LOC122539214: variants seen among roughly 807,000 people sequenced by gnomAD.
chr19:52,659,134 G>A, the LOC122539214 span, among the ~76,000 whole-genome samples: 3 of 152,174 alleles, frequency 2.0e-5, no homozygotes, highest in African/African-American at 7.2e-5. Flanking sequence ...TACCTCAGTT[G>A]ATGTCCTGTG....
At chr19:52,682,130 G>T in the LOC122539214 span, among the ~76,000 whole-genome samples, 1 of 152,054 alleles carries the variant, frequency 6.6e-6, no homozygotes, top group Non-Finnish European at 1.5e-5. Flanking sequence ...ACGGGCATGA[G>T]CCACCGTGCC....
At chr19:52,670,491 GA>G in the LOC122539214 span, among the ~76,000 whole-genome samples, 33 of 152,044 alleles carry the variant, frequency 2.2e-4, no homozygotes, top group African/African-American at 7.5e-4. Flanking sequence ...TTTCTGAGAA[GA>G]AAAAAAGAAA....
At chr19:52,665,781 CGTCTGGA>C in the LOC122539214 span, among the ~76,000 whole-genome samples, 2 of 152,108 alleles carry the variant, frequency 1.3e-5, no homozygotes, top group Admixed American at 6.6e-5. Context: ...GGGCCTCATG[CGTCTGGA>C]GTAAGAACCC....
At chr19:52,676,881 T>G in the LOC122539214 span, among the ~76,000 whole-genome samples, 1 of 130,406 alleles carries the variant, frequency 7.7e-6, no homozygotes, top group Non-Finnish European at 1.6e-5. Flanking sequence ...GTTAAATGGA[T>G]TAAGGGTGGT....
the LOC122539214 span, among the ~76,000 whole-genome samples, chr19:52,679,757 A>T: frequency 2.0e-4 from 30 of 152,348 alleles, no homozygotes; most frequent in African/African-American, 6.7e-4. Context: ...ATGTTCAATC[A>T]TAACAGTCAA....
At chr19:52,666,095 C>T in the LOC122539214 span, among the ~76,000 whole-genome samples, 1,284 of 147,102 alleles carry the variant, frequency 8.7e-3, 22 homozygotes, top group African/African-American at 0.03. Flanking sequence ...ACCCGGGAGG[C>T]GGAGCTTGCA....
chr19:52,687,656 T>A, the LOC122539214 span, among the ~76,000 whole-genome samples: 8 of 18,700 alleles, frequency 4.3e-4, 1 homozygote, highest in Non-Finnish European at 7.4e-4. Context: ...TATATATATA[T>A]AATGTATATA....
At chr19:52,662,079 G>A in the LOC122539214 span, among the ~76,000 whole-genome samples, 1 of 152,056 alleles carries the variant, frequency 6.6e-6, no homozygotes, top group Non-Finnish European at 1.5e-5. Context: ...ATAGGGATGA[G>A]GTCTTGAAAT....
At chr19:52,679,306 G>A in the LOC122539214 span, among the ~76,000 whole-genome samples, 476 of 152,146 alleles carry the variant, frequency 3.1e-3, 3 homozygotes, top group African/African-American at 0.011. Context: ...AAGCTTCTAT[G>A]ATGCTCCTCA....
the LOC122539214 span, among the ~76,000 whole-genome samples, chr19:52,653,613 C>T: frequency 3.3e-5 from 5 of 152,032 alleles, no homozygotes; most frequent in African/African-American, 1.2e-4. Context: ...CAAGGGATGA[C>T]GTCTGACTGA....
chr19:52,667,249 A>G, the LOC122539214 span, among the ~76,000 whole-genome samples: 1 of 150,988 alleles, frequency 6.6e-6, no homozygotes, highest in Non-Finnish European at 1.5e-5. Context: ...AAAAAGGAGG[A>G]AGGAGAATTT....
At chr19:52,686,486 A>G in the LOC122539214 span, among the ~76,000 whole-genome samples, 1 of 117,698 alleles carries the variant, frequency 8.5e-6, no homozygotes, top group Non-Finnish European at 1.8e-5. Context: ...ATATATAAAT[A>G]AATGAGAAAC....
At chr19:52,684,848 C>CAGG in the LOC122539214 span, among the ~76,000 whole-genome samples, 1 of 152,150 alleles carries the variant, frequency 6.6e-6, no homozygotes, top group Non-Finnish European at 1.5e-5. Context: ...GGCAAGCTCC[C>CAGG]AGGAGGCTGG....
the LOC122539214 span, among the ~76,000 whole-genome samples, chr19:52,676,889 G>T: frequency 1.5e-5 from 2 of 134,254 alleles, no homozygotes; most frequent in Non-Finnish European, 1.6e-5. Context: ...GATTAAGGGT[G>T]GTGCAAGATG....
chr19:52,663,454 T>A, the LOC122539214 span, among the ~76,000 whole-genome samples: 4 of 152,176 alleles, frequency 2.6e-5, no homozygotes, highest in Non-Finnish European at 5.9e-5. Flanking sequence ...TCCTTCAACA[T>A]CTGCAAAGAA....
At chr19:52,660,429 G>GT in the LOC122539214 span, among the ~76,000 whole-genome samples, 1 of 144,882 alleles carries the variant, frequency 6.9e-6, no homozygotes, top group Non-Finnish European at 1.5e-5. Flanking sequence ...GACCAGCCTG[G>GT]CCAACATGGT....
the LOC122539214 span, among the ~76,000 whole-genome samples, chr19:52,670,652 T>G: frequency 6.6e-6 from 1 of 152,180 alleles, no homozygotes; most frequent in East Asian, 1.9e-4. Flanking sequence ...TCATGGCCCA[T>G]GACACAACTC....
At chr19:52,676,469 G>T in the LOC122539214 span, among the ~76,000 whole-genome samples, 2 of 151,562 alleles carry the variant, frequency 1.3e-5, no homozygotes, top group African/African-American at 4.9e-5. Context: ...AGCCTGCCCC[G>T]GCCCGGCTAG....
At chr19:52,665,414 A>G in the LOC122539214 span, among the ~76,000 whole-genome samples, 1 of 152,172 alleles carries the variant, frequency 6.6e-6, no homozygotes, top group Non-Finnish European at 1.5e-5. Flanking sequence ...CAATAAGAAA[A>G]AAAGTGATTA....
Sources: gnomAD v4.1 joint callset for allele counts (sites outside exome capture counted in the v4.1 genomes callset) on GRCh38, gnomAD v4.1.1 for gene constraint, MANE v1.5 for transcripts.